Variants in PTPN1 observed in about 807,000 individuals in gnomAD.
PTPN1 encodes tyrosine-protein phosphatase non-receptor type 1.
A neutral mutation model predicts 59.9 loss-of-function variants in PTPN1; 12 were observed. That is an observed-to-expected ratio of 0.20 (90% CI 0.13 to 0.32). The LOEUF (loss-of-function observed/expected upper bound fraction) is 0.32. PTPN1 is among the 10% of genes least tolerant of loss of function. PTPN1 has a pLI of 1.00. For synonymous variants in PTPN1, 178 were observed against 203.6 expected, an observed-to-expected ratio of 0.87 and a Z score of 1.07; for missense variants, 356 against 549.2, an observed-to-expected ratio of 0.65 and a Z score of 3.52.
chr20:50,540,827 T>C (rs542523470), intron 1 of PTPN1, among the ~76,000 whole-genome samples: 23 of 152,286 alleles, frequency 1.5e-4, no homozygotes, highest in African/African-American at 5.3e-4. Flanking sequence ...CCTGCCTGAA[T>C]AGTGTTTGCA....
chr20:50,510,436 A>T lies in PTPN1; in HGVS notation c.-92A>T, dbSNP rs751225603. On this transcript the variant is annotated 5_prime_UTR_variant, in exon 1 of 10. Coordinates refer to ENST00000371621, the MANE Select transcript of PTPN1 (RefSeq NM_002827.4). ...GGTAGCTGCAGGGGTCGGGGATTGC[A>T]GCGGGCCTCGGGGCTAAGAGCGCGA... 1.1e-5 allele frequency: 15 copies of T among 1,399,608 alleles called. No homozygotes were observed. The highest frequency in any genetic ancestry group is 1.5e-5 in the African/African-American group (1 of 67,876). The allele number at this position is 1,399,608 out of a possible 1,614,324, so 86.7% of individuals were successfully genotyped here. A position where few individuals can be genotyped will look rare whatever the true frequency, so the allele number is the denominator to read the frequency against.
chr20:50,539,834 G>A (rs1372141637), intron 1 of PTPN1, among the ~76,000 whole-genome samples: 1 of 150,968 alleles, frequency 6.6e-6, no homozygotes, highest in African/African-American at 2.4e-5. Flanking sequence ...GCTGTTTTGG[G>A]TTGTTCTCCC....
intron 1 of PTPN1, among the ~76,000 whole-genome samples, chr20:50,525,634 TG>T (rs2082571522): frequency 6.6e-6 from 1 of 152,104 alleles, no homozygotes; most frequent in Non-Finnish European, 1.5e-5. Flanking sequence ...TTTTGATGAT[TG>T]TTTTTTGATA....
chr20:50,578,413 C>G lies in PTPN1; in HGVS notation c.493-7C>G. On this transcript the variant is annotated splice_region_variant and splice_polypyrimidine_tract_variant and intron_variant, in intron 5 of 9. Transcript: ENST00000371621. ...TTAGAATCATCATGAGTATTTTTCTCTTTCAGACCCAAGAAACTCGAGAGA... is the reference window on the plus strand; with the variant it reads ...TTAGAATCATCATGAGTATTTTTCTGTTTCAGACCCAAGAAACTCGAGAGA... 1 of 1,610,954 alleles carries G rather than the reference C, an allele frequency of 6.2e-7. No homozygotes were observed.
chr20:50,540,062 A>T (rs867230506), intron 1 of PTPN1, among the ~76,000 whole-genome samples: 74 of 150,402 alleles, frequency 4.9e-4, no homozygotes, highest in South Asian at 2.5e-3. Flanking sequence ...TTAAAAAAAA[A>T]TTTTTTTTTC....
chr20:50,564,891 T>C, intron 2 of PTPN1, 78 bp from the exon 3 acceptor site: 2 of 1,578,730 alleles, frequency 1.3e-6, no homozygotes, highest in East Asian at 4.6e-5. Flanking sequence ...TCACCTTTGC[T>C]TTTCTGTAGG....
At chr20:50,512,768 C>G (rs1290585770) in intron 1 of PTPN1, among the ~76,000 whole-genome samples, 2 of 152,116 alleles carry the variant, frequency 1.3e-5, no homozygotes, top group Admixed American at 1.3e-4. Flanking sequence ...TTCAGATGAC[C>G]TTGAGTCTAA....
rs902883404 is a variant in PTPN1 at position 50,512,663 on chromosome 20, T to C, written c.63+2073T>C. Among the ~76,000 whole-genome samples the C allele has an allele frequency of 3.9e-5, 6 of 152,346 alleles. No homozygotes were observed. The South Asian group carries it at 1.0e-3, about 26-fold the overall frequency. ...GCTTTTCTCACCTCCACTGTATGGA[T>C]ATTTTTCTTTTCTAAGATCTTGAAA... On this transcript the variant is annotated intron_variant, in intron 1 of 9. Transcript: ENST00000371621.
At chr20:50,574,209 A>G (rs2082824555) in intron 4 of PTPN1, 2 of 301,592 alleles carry the variant, frequency 6.6e-6, no homozygotes, top group East Asian at 1.4e-4. Flanking sequence ...CCTTTTGTTC[A>G]ATCTGGCTTC....
chr20:50,579,608 C>G (rs1277554370), intron 7 of PTPN1, 95 bp from the exon 8 acceptor site: 1 of 1,159,654 alleles, frequency 8.6e-7, no homozygotes, highest in African/African-American at 1.5e-5. Context: ...CCGAGAGCCC[C>G]TCGCCAAGCC....
intron 2 of PTPN1, among the ~76,000 whole-genome samples, chr20:50,563,369 C>T (rs1003606419): frequency 1.3e-5 from 2 of 152,098 alleles, no homozygotes; most frequent in Non-Finnish European, 2.9e-5. Context: ...ACTTGCTGAA[C>T]GAGGGGCTCT....
Position 50,579,922 on chromosome 20 carries a change from G to A in PTPN1, c.1084G>A (p.Glu362Lys), listed in dbSNP as rs759986577. ...CTTAAATGCCGCACCCTACGGCATC[G>A]AAAGGTAATATGATTGGGTCCCAGC... ...SPLNAAPYGI[E>K]SMSQDTEVRS... The change falls in exon 8 of 10, where the codon GAA becomes AAA. Residue 362 changes from glutamate (E) to lysine (K), a missense_variant. Transcript: ENST00000371621. 5.0e-6 allele frequency: 8 copies of A among 1,612,468 alleles called. No homozygotes were observed. Among genetic ancestry groups the A allele is most frequent in the Admixed American group, 3.3e-5 (2 of 59,988 alleles).
chr20:50,550,750 T>A (rs2082698808), intron 1 of PTPN1, among the ~76,000 whole-genome samples: 1 of 152,202 alleles, frequency 6.6e-6, no homozygotes, highest in South Asian at 2.1e-4. Flanking sequence ...GACACTAAGA[T>A]GAGAGTCCAA....
intron 1 of PTPN1, among the ~76,000 whole-genome samples, chr20:50,545,039 T>A (rs911174610): frequency 6.6e-6 from 1 of 152,140 alleles, no homozygotes; most frequent in Non-Finnish European, 1.5e-5. Context: ...AACATTAGAT[T>A]GTTAGCAGAA....
chr20:50,522,696 C>G (rs1024596101), intron 1 of PTPN1, among the ~76,000 whole-genome samples: 3 of 152,146 alleles, frequency 2.0e-5, no homozygotes, highest in Non-Finnish European at 4.4e-5. Context: ...CCATTATAAC[C>G]CAGTCAAGGT....
intron 7 of PTPN1, 118 bp downstream of exon 7, chr20:50,579,447 T>G (rs2082854305): frequency 1.6e-6 from 2 of 1,239,756 alleles, no homozygotes; most frequent in Middle Eastern, 2.8e-4. Flanking sequence ...TAGCTACCCT[T>G]CATGTTTAAA....
chr20:50,579,911 C>T lies in PTPN1; in HGVS notation c.1073C>T (p.Pro358Leu), dbSNP rs1363364671. The stretch of plus-strand genomic sequence containing the variant: ...AAAGGAAGCCCCTTAAATGCCGCAC[C>T]CTACGGCATCGAAAGGTAATATGAT... ...EEKGSPLNAA[P>L]YGIESMSQDT... The change falls in exon 8 of 10, where the codon CCC becomes CTC. Residue 358 changes from proline (P) to leucine (L), a missense_variant. By Grantham distance (98) the Pro-to-Leu change is moderately conservative. Transcript: ENST00000371621. 1 of 1,613,430 alleles carries T rather than the reference C, an allele frequency of 6.2e-7. No individual in the cohort carries two copies. Among genetic ancestry groups the T allele is most frequent in the Admixed American group, 1.7e-5 (1 of 60,014 alleles).
chr20:50,565,865 T>A (rs2082776738), intron 3 of PTPN1, among the ~76,000 whole-genome samples: 1 of 152,190 alleles, frequency 6.6e-6, no homozygotes, highest in African/African-American at 2.4e-5. Context: ...TGCTTAATAA[T>A]TAGGAAATTA....
chr20:50,510,414 A>G lies in PTPN1; in HGVS notation c.-114A>G, dbSNP rs1054709783. On this transcript the variant is annotated 5_prime_UTR_variant, in exon 1 of 10. It removes the in-frame stop codon of an upstream open reading frame in the 5' UTR. Coordinates refer to ENST00000371621, the MANE Select transcript of PTPN1 (RefSeq NM_002827.4). ...AAGCAGCAGCGGCTAGGGCGGCGGTAGCTGCAGGGGTCGGGGATTGCAGCG... is the reference window on the plus strand; with the variant it reads ...AAGCAGCAGCGGCTAGGGCGGCGGTGGCTGCAGGGGTCGGGGATTGCAGCG... The G allele has an allele frequency of 1.1e-5, 13 of 1,148,786 alleles. No homozygotes were observed. Among genetic ancestry groups the G allele is most frequent in the African/African-American group, 1.6e-5 (1 of 61,708 alleles). The allele number at this position is 1,148,786 out of a possible 1,614,324, so 71.2% of individuals were successfully genotyped here.
Sources: allele counts gnomAD v4.1 joint callset (sites outside exome capture counted in the v4.1 genomes callset), GRCh38; gene constraint gnomAD v4.1.1; transcripts MANE v1.5; gene names NCBI Gene and HGNC (gene_info 2026-07-23, HGNC 2026-07-21).